Variants in TMEM236 observed in about 807,000 individuals in gnomAD.
The protein encoded by TMEM236 is family with sequence similarity 23, member A.
A neutral mutation model predicts 14.7 loss-of-function variants in TMEM236; 11 were observed. That is an observed-to-expected ratio of 0.75 (90% confidence interval 0.47 to 1.24). The LOEUF is 1.24. Among genes scored for constraint, TMEM236 ranks in the 50% most tolerant of loss-of-function variants. TMEM236 has a pLI of 0.00. For missense variants in TMEM236, 464 were observed against 427.3 expected (o/e 1.09, Z -0.76); for synonymous variants, 182 against 168.6 (o/e 1.08, Z -0.62).
In TMEM236 at chr10:17,775,058, C is replaced by A. The variant is rs965303855; in HGVS notation, c.331-971C>A. On this transcript the variant is annotated intron_variant, in intron 2 of 3. Coordinates refer to ENST00000377495, the MANE Select transcript of TMEM236 (RefSeq NM_001098844.3). ...TCAGGTGATCCACCTGCCTCGTCTT[C>A]CCAAAGTGTTGGGATTACAGGTGTG... 4.8e-4 allele frequency among the ~76,000 whole-genome samples: 73 copies of A among 152,228 alleles called. 1 individual carries two copies. Among genetic ancestry groups the A allele is most frequent in the Non-Finnish European group, 4.4e-5 (3 of 68,014 alleles).
intron 2 of TMEM236, among the ~76,000 whole-genome samples, chr10:17,775,531 C>T (rs1473601923): frequency 2.0e-5 from 3 of 152,224 alleles, no homozygotes; most frequent in African/African-American, 2.4e-5. Flanking sequence ...ACCTCAGCCC[C>T]GCAAAGTGCT....
rs1271556380 is a variant in TMEM236 at position 17,754,402 on chromosome 10, C to T, written c.257+1850C>T. On this transcript the variant is annotated intron_variant, in intron 1 of 3. Coordinates refer to ENST00000377495, the MANE Select transcript of TMEM236 (RefSeq NM_001098844.3). ...GTGGCGTGATCATTGCTCACAGCAG[C>T]CTCAACCTCCCCAGGGGGCTCAGGT... Among the ~76,000 whole-genome samples the T allele has an allele frequency of 2.6e-5, 4 of 152,060 alleles. No homozygotes were observed. The East Asian group carries it at 7.7e-4, about 29-fold the overall frequency.
intron 2 of TMEM236, among the ~76,000 whole-genome samples, chr10:17,774,033 G>T (rs201860206): frequency 9.9e-6 from 1 of 100,818 alleles, no homozygotes; most frequent in Admixed American, 1.2e-4. Flanking sequence ...ATATATTTTT[G>T]TTTGTTTGTT....
Position 17,798,983 on chromosome 10 carries a change from AAAT to A in TMEM236, c.*2484_*2486del. On this transcript the variant is annotated 3_prime_UTR_variant, in exon 4 of 4. Transcript: ENST00000377495. ...ATCATTTCAACTTTGCATTTGTGAA[AAAT>A]AATACATACAATCTTAAGGTTACTT... is the stretch of plus-strand genomic sequence containing the variant. 1 of 313,170 alleles carries A rather than the reference AAAT, an allele frequency of 3.2e-6. No homozygotes were observed. The highest frequency in any genetic ancestry group is 2.9e-5 in the South Asian group (1 of 34,960). 19.4% of individuals were successfully genotyped at this position (313,170 alleles called of 1,614,324 possible).
Position 17,797,196 on chromosome 10 carries a change from G to C in TMEM236, c.*692G>C, listed in dbSNP as rs1156705293. On this transcript the variant is annotated 3_prime_UTR_variant, in exon 4 of 4. Coordinates refer to ENST00000377495, the MANE Select transcript of TMEM236 (RefSeq NM_001098844.3). Reference sequence around the variant, plus strand: ...TTCCATCAAGTTAGCCCAAGAATAAGATTTTTATCTTTTATATAGATAGCA... The same window carrying C: ...TTCCATCAAGTTAGCCCAAGAATAACATTTTTATCTTTTATATAGATAGCA... The C allele has an allele frequency of 2.0e-5, 3 of 151,716 alleles. No individual in the cohort carries two copies. Among genetic ancestry groups the C allele is most frequent in the Non-Finnish European group, 4.4e-5 (3 of 68,102 alleles). 9.4% of individuals were successfully genotyped at this position (151,716 alleles called of 1,614,324 possible).
At position 17,798,951 on chromosome 10, in the gene TMEM236, G is replaced by A. The variant is rs1285994882; in HGVS notation, c.*2447G>A. ...TTTTCTGTGGCCCTGCTCACCCTCT[G>A]GGAATAATCATTTCAACTTTGCATT... On this transcript the variant is annotated 3_prime_UTR_variant, in exon 4 of 4. Transcript: ENST00000377495. 6.3e-6 allele frequency: 2 copies of A among 316,834 alleles called. No homozygotes were observed. Among genetic ancestry groups the A allele is most frequent in the African/African-American group, 2.2e-5 (1 of 45,984 alleles). The allele number at this position is 316,834 out of a possible 1,614,324, so 19.6% of individuals were successfully genotyped here. A position where few individuals can be genotyped will look rare whatever the true frequency, so the allele number is the denominator to read the frequency against.
At chr10:17,788,712 TTTA>T (rs1244189223) in intron 3 of TMEM236, among the ~76,000 whole-genome samples, 32 of 152,254 alleles carry the variant, frequency 2.1e-4, no homozygotes, top group African/African-American at 6.5e-4. Flanking sequence ...GATACATTTA[TTTA>T]TTGTCAGATT....
At chr10:17,793,037 C>T (rs1837951941) in intron 3 of TMEM236, among the ~76,000 whole-genome samples, 1 of 152,198 alleles carries the variant, frequency 6.6e-6, no homozygotes, top group South Asian at 2.1e-4. Flanking sequence ...GCCATCAAAG[C>T]TTTCCAGCTA....
intron 1 of TMEM236, among the ~76,000 whole-genome samples, chr10:17,768,311 A>G (rs1837508539): frequency 6.6e-6 from 1 of 152,034 alleles, no homozygotes; most frequent in East Asian, 1.9e-4. Flanking sequence ...AAATGATTAA[A>G]TTGTTTCTCA....
At chr10:17,783,446 C>T (rs1334607645) in intron 3 of TMEM236, among the ~76,000 whole-genome samples, 7 of 152,126 alleles carry the variant, frequency 4.6e-5, no homozygotes, top group African/African-American at 7.2e-5. Context: ...ATCACATCAG[C>T]GAGAGGTGCC....
chr10:17,784,438 G>C (rs1031385739), intron 3 of TMEM236, among the ~76,000 whole-genome samples: 3 of 152,134 alleles, frequency 2.0e-5, no homozygotes, highest in Non-Finnish European at 4.4e-5. Flanking sequence ...AACTGAATCA[G>C]GATCTCTGGG....
intron 1 of TMEM236, among the ~76,000 whole-genome samples, chr10:17,766,682 C>T (rs1236381904): frequency 1.3e-5 from 2 of 152,134 alleles, no homozygotes; most frequent in Non-Finnish European, 2.9e-5. Context: ...GCAAAATTGG[C>T]GTTAAGTTTC....
rs1838017782 is a variant in TMEM236 at position 17,796,516 on chromosome 10, G to A, written c.*12G>A. The A allele has an allele frequency of 1.9e-6, 3 of 1,590,014 alleles. No homozygotes were observed. Among genetic ancestry groups the A allele is most frequent in the South Asian group, 1.1e-5 (1 of 90,560 alleles). Reference sequence around the variant, plus strand: ...TGTCTCCATTTTAAAAAGGAAATGGGATCTAGTAAGGCCTCTTTGTGATAC... The same window carrying A: ...TGTCTCCATTTTAAAAAGGAAATGGAATCTAGTAAGGCCTCTTTGTGATAC... On this transcript the variant is annotated 3_prime_UTR_variant, in exon 4 of 4. Transcript: ENST00000377495.
chr10:17,792,179 C>T (rs1435310619), intron 3 of TMEM236, among the ~76,000 whole-genome samples: 1 of 152,174 alleles, frequency 6.6e-6, no homozygotes, highest in African/African-American at 2.4e-5. Flanking sequence ...CCTCCATCTC[C>T]TGGGTTCAAG....
At position 17,796,664 on chromosome 10, in the gene TMEM236, T is replaced by TC. The variant is rs1838020726; in HGVS notation, c.*160_*161insC. ...AACTCTAGCATATCAGTTTTTTTTT[T>TC]TACATATACAAATGGTGCTAAATTT... is the stretch of plus-strand genomic sequence containing the variant. On this transcript the variant is annotated 3_prime_UTR_variant, in exon 4 of 4. Coordinates refer to ENST00000377495, the MANE Select transcript of TMEM236 (RefSeq NM_001098844.3). The TC allele has an allele frequency of 1.5e-6, 1 of 646,284 alleles. No homozygotes were observed. The highest frequency in any genetic ancestry group is 2.7e-6 in the Non-Finnish European group (1 of 377,200). The allele number at this position is 646,284 out of a possible 1,614,324, so 40.0% of individuals were successfully genotyped here.
intron 2 of TMEM236, 107 bp downstream of exon 2, chr10:17,771,488 T>A: frequency 9.7e-7 from 1 of 1,032,930 alleles, no homozygotes. Flanking sequence ...GACATCTATG[T>A]AATCCAATCT....
At chr10:17,787,290 A>C (rs927588640) in intron 3 of TMEM236, among the ~76,000 whole-genome samples, 8 of 152,152 alleles carry the variant, frequency 5.3e-5, no homozygotes, top group Non-Finnish European at 1.2e-4. Context: ...GTCGCATTAC[A>C]TCCTCTCTTA....
chr10:17,784,421 C>T (rs1837801521), intron 3 of TMEM236, among the ~76,000 whole-genome samples: 1 of 152,066 alleles, frequency 6.6e-6, no homozygotes, highest in Admixed American at 6.6e-5. Context: ...CACAGCTGCC[C>T]CAGATGAACT....
At chr10:17,759,545 G>T (rs939784096) in intron 1 of TMEM236, among the ~76,000 whole-genome samples, 5 of 152,154 alleles carry the variant, frequency 3.3e-5, no homozygotes, top group Non-Finnish European at 7.4e-5. Context: ...CGGTGGTGGT[G>T]ATCATAGTAG....
Sources: allele counts gnomAD v4.1 joint callset (sites outside exome capture counted in the v4.1 genomes callset), GRCh38; gene constraint gnomAD v4.1.1; transcripts MANE v1.5; gene names NCBI Gene and HGNC (gene_info 2026-07-23, HGNC 2026-07-21).